Variants in TEP1 observed in about 807,000 individuals in gnomAD.
TEP1 encodes telomerase protein component 1.
Under a neutral mutation model 306.3 loss-of-function variants are expected in TEP1, and 241 were observed. The ratio of observed to expected loss-of-function variants is 0.79; its 90% CI spans 0.71 to 0.88. The LOEUF is 0.88. TEP1 is among the 40% of genes least tolerant of loss of function. The probability of loss-of-function intolerance (pLI) is 0.00; values close to 1 mark genes in which losing one functional copy is unlikely to be tolerated. For missense variants in TEP1, 3,051 were observed against 3,276.1 expected (o/e 0.93, Z 1.68); for synonymous variants, 1,289 against 1,305.5 (o/e 0.99, Z 0.27).
chr14:20,381,417 T>G lies in TEP1; in HGVS notation c.4559-16A>C. On this transcript the variant is annotated splice_polypyrimidine_tract_variant and intron_variant, in intron 31 of 54. Coordinates refer to ENST00000262715, the MANE Select transcript of TEP1 (RefSeq NM_007110.5). The surrounding 1 kb of genome is among the most constrained non-coding windows in gnomAD (Gnocchi z 4.0). ...CAGAGCTGAGCTGCATGAACAGATA[T>G]TGAGAAAGGCTCAGCCCTGCATCAT... 2 of 1,613,958 alleles carry G rather than the reference T, an allele frequency of 1.2e-6. No homozygotes were observed. The highest frequency in any genetic ancestry group is 1.7e-6 in the Non-Finnish European group (2 of 1,179,998).
In TEP1 at chr14:20,405,498, C is replaced by G. The variant is rs1879109003; in HGVS notation, c.823G>C (p.Glu275Gln). The G allele has an allele frequency of 3.1e-6, 5 of 1,614,132 alleles. No homozygotes were observed. The highest frequency in any genetic ancestry group is 4.2e-6 in the Non-Finnish European group (5 of 1,180,020). Reference protein sequence around the residue: ...TSDPTLAAIFEICRELALLEP... With the variant: ...TSDPTLAAIFQICRELALLEP... ...AGGAGGGCAAGTTCACGACAGATTT[C>G]AAAAATGGCAGCCAGGGTGGGGTCA... is the stretch of plus-strand genomic sequence containing the variant. The change falls in exon 4 of 55, where the codon GAA (glutamate) becomes CAA (glutamine). Residue 275 changes from glutamate (E) to glutamine (Q), a missense_variant. By Grantham distance (29) the Glu-to-Gln change is conservative. This residue lies in a region of TEP1 where 1,507 missense variants were observed against 1,550.5 expected (regional missense o/e 0.97). Coordinates refer to ENST00000262715, the MANE Select transcript of TEP1 (RefSeq NM_007110.5).
intron 44 of TEP1, 21 bp from the exon 45 acceptor site, chr14:20,373,831 C>T (rs1351105299): frequency 2.5e-6 from 4 of 1,610,516 alleles, no homozygotes; most frequent in Non-Finnish European, 3.4e-6. Flanking sequence ...AGCACAAGAT[C>T]AGAGCAGAGT....
chr14:20,374,224 G>C (rs1264165961), intron 44 of TEP1, among the ~76,000 whole-genome samples: 1 of 151,920 alleles, frequency 6.6e-6, no homozygotes, highest in Non-Finnish European at 1.5e-5. Context: ...TGAGTAGCTA[G>C]AACTACAGGC....
chr14:20,369,614 G>C, intron 52 of TEP1, 38 bp from the exon 53 acceptor site: 1 of 1,613,300 alleles, frequency 6.2e-7, no homozygotes. Flanking sequence ...CAAGTCTCAG[G>C]GATCTGCCAT....
chr14:20,410,642 A>G (rs542121853), intron 1 of TEP1, among the ~76,000 whole-genome samples: 1 of 142,846 alleles, frequency 7.0e-6, no homozygotes, highest in South Asian at 2.2e-4. Flanking sequence ...GGGTTCCACT[A>G]TGCTGGCCAG....
chr14:20,370,431 A>G (rs1884765759), intron 51 of TEP1, among the ~76,000 whole-genome samples: 1 of 152,246 alleles, frequency 6.6e-6, no homozygotes, highest in African/African-American at 2.4e-5. Flanking sequence ...AACTTCATTT[A>G]GGTGAAATCA....
At chr14:20,401,605 A>G in intron 7 of TEP1, 24 bp from the exon 8 acceptor site, 1 of 1,613,114 alleles carries the variant, frequency 6.2e-7, no homozygotes, top group Non-Finnish European at 8.5e-7. Context: ...CCCAAGTCCC[A>G]CAGGGGTCCT....
intron 18 of TEP1, 89 bp from the exon 19 acceptor site, chr14:20,386,712 G>A: frequency 7.4e-7 from 1 of 1,350,538 alleles, no homozygotes; most frequent in Non-Finnish European, 9.6e-7. Context: ...TTAGCACTGA[G>A]CACAAGCCAG....
intron 41 of TEP1, 78 bp from the exon 42 acceptor site, chr14:20,376,342 C>T (rs562401024): frequency 8.7e-5 from 129 of 1,476,146 alleles, no homozygotes; most frequent in Non-Finnish European, 3.4e-5. Context: ...AAGACAGGAG[C>T]GGCCATGGGG....
At chr14:20,377,254 T>C (rs1484374985) in intron 41 of TEP1, 26 bp downstream of exon 41, 4 of 1,538,488 alleles carry the variant, frequency 2.6e-6, no homozygotes, top group African/African-American at 1.4e-5. Context: ...AGTAATTTGT[T>C]AACCCTGCCC....
chr14:20,373,654 G>T, intron 45 of TEP1, 24 bp downstream of exon 45: 1 of 1,614,232 alleles, frequency 6.2e-7, no homozygotes, highest in Non-Finnish European at 8.5e-7. Flanking sequence ...AGCAGGGAAG[G>T]GGAGGTGGCT....
At chr14:20,388,738 G>A (rs937332473) in intron 17 of TEP1, among the ~76,000 whole-genome samples, 6 of 152,194 alleles carry the variant, frequency 3.9e-5, no homozygotes, top group Admixed American at 3.9e-4. Flanking sequence ...TGAGGTAGAA[G>A]CTGAGTATTT....
intron 20 of TEP1, among the ~76,000 whole-genome samples, chr14:20,385,444 C>G (rs1291321538): frequency 1.3e-5 from 2 of 151,984 alleles, no homozygotes; most frequent in Non-Finnish European, 2.9e-5. Flanking sequence ...GCAATCTTGG[C>G]TCACAGCAAC....
intron 42 of TEP1, 67 bp downstream of exon 42, chr14:20,376,037 G>A (rs1260204368): frequency 5.7e-6 from 9 of 1,576,706 alleles, no homozygotes; most frequent in Non-Finnish European, 6.9e-6. Flanking sequence ...ATGGGAAATG[G>A]GTTGTTAAGA....
chr14:20,401,106 C>T lies in TEP1; in HGVS notation c.1427G>A (p.Arg476His), dbSNP rs751992143. The T allele has an allele frequency of 2.8e-5, 45 of 1,613,936 alleles. No individual in the cohort carries two copies. Among genetic ancestry groups the T allele is most frequent in the Non-Finnish European group, 3.0e-5 (35 of 1,180,026 alleles). ...PSNLQLFSRSRLPGPWDSSRA... is the reference protein window; with the variant it reads ...PSNLQLFSRSHLPGPWDSSRA... ...GCTAGAATCCCAAGGCCCAGGAAGG[C>T]GACTTCGAGAAAAGAGCTGTAGGTT... The change falls in exon 9 of 55, where the codon CGC (arginine) becomes CAC (histidine). Residue 476 changes from arginine to histidine, a missense_variant. By Grantham distance (29) the Arg-to-His change is conservative. Transcript: ENST00000262715.
At chr14:20,376,431 G>T (rs763707739) in intron 41 of TEP1, among the ~76,000 whole-genome samples, 167 bp from the exon 42 acceptor site, 6 of 152,194 alleles carry the variant, frequency 3.9e-5, no homozygotes, top group Non-Finnish European at 7.3e-5. Flanking sequence ...CCTGGGCAAG[G>T]GTCATCAGCG....
intron 16 of TEP1, 145 bp from the exon 17 acceptor site, chr14:20,389,442 GA>G: frequency 7.1e-7 from 1 of 1,408,842 alleles, no homozygotes; most frequent in Middle Eastern, 1.8e-4. Flanking sequence ...GACTCTCACA[GA>G]GGGGTACAGA....
chr14:20,393,786 A>T (rs1018047147), intron 12 of TEP1, among the ~76,000 whole-genome samples: 50 of 137,934 alleles, frequency 3.6e-4, no homozygotes, highest in Non-Finnish European at 5.6e-4. Context: ...TGTCTCAATT[A>T]AAAAAAAAAA....
At chr14:20,394,732 G>A (rs1039607668) in intron 12 of TEP1, among the ~76,000 whole-genome samples, 3 of 152,080 alleles carry the variant, frequency 2.0e-5, no homozygotes, top group African/African-American at 7.2e-5. Context: ...CCTGCCTCGT[G>A]ATCCACCTGC....
Sources: allele counts gnomAD v4.1 joint callset (sites outside exome capture counted in the v4.1 genomes callset), GRCh38; gene constraint gnomAD v4.1.1; regional missense constraint gnomAD v4.1.1; non-coding constraint Gnocchi (gnomAD v3.1); transcripts MANE v1.5; gene names NCBI Gene and HGNC (gene_info 2026-07-23, HGNC 2026-07-21).